Variants in MMP26 observed in about 807,000 individuals in gnomAD.
MMP26 encodes matrix metallopeptidase 26, also known as matrix metalloproteinase-26.
A neutral mutation model predicts 31.0 loss-of-function variants in MMP26; 33 were observed. That is an observed-to-expected ratio of 1.06 (90% CI 0.81 to 1.42). The LOEUF (loss-of-function observed/expected upper bound fraction) is 1.42. Ranked by LOEUF, MMP26 falls within the 40% of genes most tolerant of loss-of-function variation. The pLI is 0.00. For missense variants in MMP26, 347 were observed against 316.1 expected (o/e 1.10, Z -0.74); for synonymous variants, 122 against 114.9 (o/e 1.06, Z -0.40).
intron 2 of MMP26, chr11:4,924,322 A>G (rs1367629076): frequency 1.9e-6 from 3 of 1,607,252 alleles, no homozygotes; most frequent in Non-Finnish European, 1.7e-6. Flanking sequence ...GGAGGCTGCT[A>G]TTAAGAAGAA....
intron 2 of MMP26, among the ~76,000 whole-genome samples, chr11:4,812,175 T>C (rs925500019): frequency 6.6e-6 from 1 of 152,164 alleles, no homozygotes; most frequent in Non-Finnish European, 1.5e-5. Flanking sequence ...GATATTGACA[T>C]GAGAATTCTG....
intron 2 of MMP26, among the ~76,000 whole-genome samples, chr11:4,815,566 T>C (rs543794237): frequency 1.0e-3 from 148 of 148,214 alleles, no homozygotes; most frequent in Non-Finnish European, 1.3e-3. Context: ...AGCAATGAAG[T>C]ATAACAAAAA....
intron 2 of MMP26, among the ~76,000 whole-genome samples, chr11:4,873,794 G>A (rs891550860): frequency 6.6e-6 from 1 of 151,936 alleles, no homozygotes. Flanking sequence ...CCCTATGGTA[G>A]GTACTATTAT....
chr11:4,840,173 G>A (rs1296820660), intron 2 of MMP26, among the ~76,000 whole-genome samples: 1 of 152,160 alleles, frequency 6.6e-6, no homozygotes, highest in Non-Finnish European at 1.5e-5. Flanking sequence ...AGAACACCAG[G>A]TAGACTTCTA....
At chr11:4,983,604 A>G (rs1036550266) in intron 2 of MMP26, among the ~76,000 whole-genome samples, 1 of 152,244 alleles carries the variant, frequency 6.6e-6, no homozygotes, top group Non-Finnish European at 1.5e-5. Context: ...ATCAAATACT[A>G]TAGCCATAAT....
intron 2 of MMP26, among the ~76,000 whole-genome samples, chr11:4,866,033 A>G (rs1026366018): frequency 1.3e-5 from 2 of 152,154 alleles, no homozygotes; most frequent in East Asian, 1.9e-4. Flanking sequence ...ACACCACTCA[A>G]ATCAATCAGT....
chr11:4,825,472 C>A (rs978770839), intron 2 of MMP26, among the ~76,000 whole-genome samples: 1 of 152,052 alleles, frequency 6.6e-6, no homozygotes, highest in Non-Finnish European at 1.5e-5. Context: ...TACAGAGAAC[C>A]TTTGATTTTC....
chr11:4,864,665 C>G (rs1564796542), intron 2 of MMP26, among the ~76,000 whole-genome samples: 2 of 152,068 alleles, frequency 1.3e-5, no homozygotes, highest in Non-Finnish European at 2.9e-5. Context: ...GTGAATACTT[C>G]TGTCTGAAAT....
At chr11:4,957,747 C>T (rs1169265146) in intron 2 of MMP26, among the ~76,000 whole-genome samples, 1 of 151,426 alleles carries the variant, frequency 6.6e-6, no homozygotes, top group Non-Finnish European at 1.5e-5. Flanking sequence ...CAGTGGATCT[C>T]GCCTCACTGC....
intron 2 of MMP26, among the ~76,000 whole-genome samples, chr11:4,888,568 T>G (rs968964844): frequency 3.9e-5 from 6 of 152,148 alleles, no homozygotes; most frequent in Non-Finnish European, 1.5e-5. Context: ...AACTTTTTCC[T>G]ATTTTTTACC....
intron 2 of MMP26, chr11:4,822,120 A>G (rs1467682163): frequency 1.2e-6 from 2 of 1,613,848 alleles, no homozygotes; most frequent in South Asian, 1.1e-5. Flanking sequence ...TTGCTTCCTC[A>G]GAAGAGAGGC....
intron 2 of MMP26, among the ~76,000 whole-genome samples, chr11:4,788,862 T>C (rs926840164): frequency 6.6e-6 from 1 of 152,136 alleles, no homozygotes; most frequent in African/African-American, 2.4e-5. Context: ...TCAGCATGTA[T>C]TGAATGGATG....
intron 1 of MMP26, among the ~76,000 whole-genome samples, chr11:4,746,299 T>C (rs1848378597): frequency 6.6e-6 from 1 of 152,264 alleles, no homozygotes; most frequent in Admixed American, 6.5e-5. Context: ...GTAGAATTAC[T>C]GGTTAAAGTT....
chr11:4,847,136 C>T (rs768321568), intron 2 of MMP26, among the ~76,000 whole-genome samples: 47 of 152,324 alleles, frequency 3.1e-4, no homozygotes, highest in Non-Finnish European at 5.4e-4. Flanking sequence ...CACTGAAGCT[C>T]TTGCTTTTAT....
intron 2 of MMP26, among the ~76,000 whole-genome samples, chr11:4,975,945 T>C (rs1846731385): frequency 6.6e-6 from 1 of 152,062 alleles, no homozygotes; most frequent in Non-Finnish European, 1.5e-5. Context: ...AGCTAATAAC[T>C]TTGAGCTTAT....
intron 2 of MMP26, among the ~76,000 whole-genome samples, chr11:4,840,145 G>T (rs777510542): frequency 6.6e-6 from 1 of 152,168 alleles, no homozygotes; most frequent in Non-Finnish European, 1.5e-5. Context: ...GTGAGTGCCA[G>T]CTCAGCTGCA....
chr11:4,935,156 C>G lies in MMP26; in HGVS notation c.-144-52912C>G, dbSNP rs181845993. 1.5e-3 allele frequency among the ~76,000 whole-genome samples: 222 copies of G among 151,774 alleles called. 4 individuals are homozygous for G. The highest frequency in any genetic ancestry group is 2.3e-3 in the Admixed American group (35 of 15,196). ...ATGGGGATGGCATTGAATCTGTAAA[C>G]TACCTTGGGCAGTATGGCCGTTTTC... On this transcript the variant is annotated intron_variant, in intron 2 of 7. Transcript: ENST00000380390.
At chr11:4,895,371 C>A (rs1324826043) in intron 2 of MMP26, among the ~76,000 whole-genome samples, 1 of 152,176 alleles carries the variant, frequency 6.6e-6, no homozygotes, top group African/African-American at 2.4e-5. Flanking sequence ...AAGCCCCCAC[C>A]TCTGATTCCA....
At chr11:4,860,068 T>C in intron 2 of MMP26, 1 of 471,080 alleles carries the variant, frequency 2.1e-6, no homozygotes, top group South Asian at 1.5e-5. Context: ...GGGTAGGCAC[T>C]TTATAAGGAA....
Sources: gnomAD v4.1 joint callset for allele counts (sites outside exome capture counted in the v4.1 genomes callset) on GRCh38, gnomAD v4.1.1 for gene constraint, MANE v1.5 for transcripts, NCBI Gene and HGNC (gene_info 2026-07-23, HGNC 2026-07-21) for gene names.